Variants in AGTPBP1 observed in about 807,000 individuals in gnomAD.
AGTPBP1 encodes cytosolic carboxypeptidase 1.
A neutral mutation model predicts 143.9 loss-of-function variants in AGTPBP1; 70 were observed. The ratio of observed to expected loss-of-function variants is 0.49; its 90% CI spans 0.40 to 0.59. AGTPBP1 has a LOEUF of 0.59. Ranked by LOEUF, AGTPBP1 falls within the 20% of genes least tolerant of loss-of-function variation. AGTPBP1 has a pLI of 0.00. For synonymous variants in AGTPBP1, 463 were observed against 500.2 expected, an observed-to-expected ratio of 0.93 and a Z score of 0.99; for missense variants, 1,229 against 1,464.5, an observed-to-expected ratio of 0.84 and a Z score of 2.62.
the AGTPBP1 span, chr9:85,786,019 T>A: frequency 9.7e-7 from 1 of 1,027,922 alleles, no homozygotes; most frequent in Non-Finnish European, 1.4e-6. Context: ...GATAATAATG[T>A]ATTTATGTTA....
intron 2 of AGTPBP1, among the ~76,000 whole-genome samples, chr9:85,701,485 C>A (rs963981819): frequency 1.3e-5 from 2 of 152,178 alleles, no homozygotes; most frequent in Non-Finnish European, 2.9e-5. Flanking sequence ...CCGCCTCAGT[C>A]TCCCAAAGTG....
chr9:85,628,995 A>G (rs1010036282), intron 14 of AGTPBP1, among the ~76,000 whole-genome samples: 9 of 152,144 alleles, frequency 5.9e-5, no homozygotes, highest in African/African-American at 2.2e-4. Flanking sequence ...GATTACAGGC[A>G]TGAGCCACCA....
At chr9:85,786,564 G>A in the AGTPBP1 span, 1 of 1,613,722 alleles carries the variant, frequency 6.2e-7, no homozygotes, top group African/African-American at 1.3e-5. Flanking sequence ...AGAAAACCAA[G>A]GGACTTAAAA....
chr9:85,685,344 T>A (rs934211540), intron 3 of AGTPBP1, among the ~76,000 whole-genome samples: 3 of 151,286 alleles, frequency 2.0e-5, no homozygotes, highest in African/African-American at 4.9e-5. Flanking sequence ...AAAAAATAAA[T>A]AAATAAATAA....
intron 17 of AGTPBP1, among the ~76,000 whole-genome samples, chr9:85,603,678 C>T (rs11141032): frequency 0.3 from 45,133 of 151,842 alleles, 10,370 homozygotes; most frequent in African/African-American, 0.63. Flanking sequence ...CCAAGAGGGC[C>T]CCTAGGGTCC....
At chr9:85,611,525 T>C (rs1296677280) in intron 17 of AGTPBP1, among the ~76,000 whole-genome samples, 2 of 147,740 alleles carry the variant, frequency 1.4e-5, no homozygotes, top group Non-Finnish European at 3.0e-5. Context: ...CAAGTAACAT[T>C]GTATTAAAAT....
intron 17 of AGTPBP1, among the ~76,000 whole-genome samples, chr9:85,606,993 G>A (rs1296879932): frequency 6.6e-6 from 1 of 151,914 alleles, no homozygotes; most frequent in Non-Finnish European, 1.5e-5. Context: ...TTCTATAGCA[G>A]AGTTGGGTGA....
chr9:85,688,089 T>A (rs1587904419), intron 3 of AGTPBP1, among the ~76,000 whole-genome samples: 1 of 40,518 alleles, frequency 2.5e-5, no homozygotes. Context: ...AAACTCTGTC[T>A]CAAAATTAAA....
At chr9:85,801,129 T>C in the AGTPBP1 span, among the ~76,000 whole-genome samples, 1 of 151,982 alleles carries the variant, frequency 6.6e-6, no homozygotes, top group African/African-American at 2.4e-5. Context: ...CTGGCCATCA[T>C]GGTGAAATCC....
At chr9:85,603,481 A>G in intron 17 of AGTPBP1, among the ~76,000 whole-genome samples, 1 of 152,166 alleles carries the variant, frequency 6.6e-6, no homozygotes, top group East Asian at 1.9e-4. Context: ...CTGGCTAAAG[A>G]GCCCTTGGGC....
At chr9:85,723,154 T>A (rs1838242263) in intron 1 of AGTPBP1, among the ~76,000 whole-genome samples, 2 of 152,202 alleles carry the variant, frequency 1.3e-5, no homozygotes, top group Admixed American at 6.5e-5. Context: ...GAGGAGGCAG[T>A]CTGTCCGTTC....
chr9:85,725,525 C>T (rs774505585), intron 1 of AGTPBP1, among the ~76,000 whole-genome samples: 1 of 152,034 alleles, frequency 6.6e-6, no homozygotes, highest in Non-Finnish European at 1.5e-5. Flanking sequence ...TCTCAAATTA[C>T]CTCCACAAAC....
At chr9:85,800,794 G>A in the AGTPBP1 span, among the ~76,000 whole-genome samples, 1 of 143,014 alleles carries the variant, frequency 7.0e-6, no homozygotes, top group Non-Finnish European at 1.5e-5. Flanking sequence ...TGTACTTGCA[G>A]TCTTTAGAAT....
chr9:85,727,503 T>C (rs1288006399), intron 1 of AGTPBP1, among the ~76,000 whole-genome samples: 2 of 152,202 alleles, frequency 1.3e-5, no homozygotes, highest in African/African-American at 4.8e-5. Flanking sequence ...TGTAAAAACG[T>C]GGATGAAGAG....
chr9:85,621,184 A>G lies in AGTPBP1; in HGVS notation c.2099+18T>C, dbSNP rs199933806. 184 of 1,377,254 alleles carry G rather than the reference A, an allele frequency of 1.3e-4. 1 individual carries two copies. The East Asian group carries it at 4.8e-3, about 36-fold the overall frequency. The allele number at this position is 1,377,254 out of a possible 1,614,324, so 85.3% of individuals were successfully genotyped here. On this transcript the variant is annotated intron_variant, in intron 15 of 25. Coordinates refer to ENST00000357081, the MANE Select transcript of AGTPBP1 (RefSeq NM_001330701.2). The stretch of plus-strand genomic sequence containing the variant: ...AAAAACTTAAAACTAATAAAAGTTC[A>G]TTAAAATCAAGACTTACTTTGGGTT...
intron 17 of AGTPBP1, among the ~76,000 whole-genome samples, chr9:85,616,258 A>G (rs1036733364): frequency 6.6e-6 from 1 of 151,972 alleles, no homozygotes; most frequent in Admixed American, 6.6e-5. Flanking sequence ...AAGAATATCC[A>G]AAGGAGAAGG....
In AGTPBP1 at chr9:85,740,582, C is replaced by G. The variant is rs113145368; in HGVS notation, c.-34+1193G>C. 2.0e-4 allele frequency among the ~76,000 whole-genome samples: 31 copies of G among 152,262 alleles called. 1 individual carries two copies. The highest frequency in any genetic ancestry group is 6.0e-4 in the African/African-American group (25 of 41,548). ...TTTGGCCTACTGAACTAAAAACATT[C>G]CACAATACAATTACAAAAATAACTT... On this transcript the variant is annotated intron_variant, in intron 1 of 25. Coordinates refer to ENST00000357081, the MANE Select transcript of AGTPBP1 (RefSeq NM_001330701.2).
the AGTPBP1 span, among the ~76,000 whole-genome samples, chr9:85,748,918 C>T: frequency 1.7e-4 from 25 of 151,382 alleles, no homozygotes; most frequent in Admixed American, 1.6e-3. Flanking sequence ...AAAGAAGACA[C>T]TGTCTTCTTC....
In AGTPBP1 at chr9:85,578,990, C is replaced by T; in HGVS notation, c.3272G>A (p.Arg1091Lys). The T allele has an allele frequency of 1.2e-6, 2 of 1,613,042 alleles. No individual in the cohort carries two copies. Among genetic ancestry groups the T allele is most frequent in the Non-Finnish European group, 1.7e-6 (2 of 1,179,662 alleles). The stretch of plus-strand genomic sequence containing the variant: ...ATAACTTCTTTGTACTCCTATTTCC[C>T]TCCAAACTACAACACGTGCTGTGGA... The part of the protein sequence containing the change: ...KESTARVVVW[R>K]EIGVQRSYTM... Residue 1091 changes from arginine (R) to lysine (K), a missense_variant, in exon 24 of 26, where the codon AGG (arginine) becomes AAG (lysine). Coordinates refer to ENST00000357081, the MANE Select transcript of AGTPBP1 (RefSeq NM_001330701.2).
Sources: allele counts gnomAD v4.1 joint callset (sites outside exome capture counted in the v4.1 genomes callset), GRCh38; gene constraint gnomAD v4.1.1; transcripts MANE v1.5; gene names NCBI Gene and HGNC (gene_info 2026-07-23, HGNC 2026-07-21).